The following NUMB variants were observed in gnomAD, a reference collection of about 807,000 sequenced individuals.
NUMB encodes protein numb homolog.
A neutral mutation model predicts 59.7 loss-of-function variants in NUMB; 29 were observed. That is an observed-to-expected ratio of 0.49 (90% CI 0.36 to 0.66). The LOEUF is 0.66. Ranked by LOEUF, NUMB falls within the 30% of genes least tolerant of loss-of-function variation. The pLI, the probability that NUMB is intolerant of heterozygous loss-of-function variation, is 0.00. For synonymous variants in NUMB, 288 were observed against 288.2 expected (o/e 1.00, Z 0.01); for missense variants, 723 against 822.0 (o/e 0.88, Z 1.47).
At chr14:73,338,925 G>A (rs1194725989) in intron 4 of NUMB, among the ~76,000 whole-genome samples, 4 of 152,280 alleles carry the variant, frequency 2.6e-5, no homozygotes, top group Non-Finnish European at 5.9e-5. Flanking sequence ...TCAATCAAAG[G>A]AAGGTTGTAC....
In NUMB at chr14:73,276,615, G is replaced by C. The variant is rs1888170462; in HGVS notation, c.1919C>G (p.Ser640Cys). ...TTCAAACGTCTTCTGTAAGTCACTG[G>C]AGAAAGGGTTGGTAGGGGAGGGATT... ...RTNPSPTNPF[S>C]SDLQKTFEIE... is the part of the protein sequence containing the mutation. Residue 640 changes from serine (S) to cysteine (C), a missense_variant, in exon 13 of 13, where the codon TCC becomes TGC. By Grantham distance (112) the Ser-to-Cys change is moderately radical. Around this residue, in one of 2 missense-constraint regions of NUMB, gnomAD observed 406 missense variants for 385.4 expected, o/e 1.05. Transcript: ENST00000555238. The C allele has an allele frequency of 6.2e-7, 1 of 1,613,830 alleles. No homozygotes were observed. The highest frequency in any genetic ancestry group is 1.1e-5 in the South Asian group (1 of 91,074).
At chr14:73,430,322 A>AT (rs1200035959) in intron 1 of NUMB, among the ~76,000 whole-genome samples, 1 of 152,048 alleles carries the variant, frequency 6.6e-6, no homozygotes, top group Non-Finnish European at 1.5e-5. Flanking sequence ...CAAAGAGGCT[A>AT]TACCAACAAT....
chr14:73,438,081 C>G (rs1002688733), intron 1 of NUMB, among the ~76,000 whole-genome samples: 1 of 152,138 alleles, frequency 6.6e-6, no homozygotes, highest in Non-Finnish European at 1.5e-5. Context: ...GAAATGTAAA[C>G]TTGTACAGCC....
chr14:73,313,481 A>C (rs1890891512), intron 6 of NUMB, among the ~76,000 whole-genome samples: 1 of 150,826 alleles, frequency 6.6e-6, no homozygotes, highest in South Asian at 2.1e-4. Context: ...TCATGCACAA[A>C]ATTATTTAAT....
chr14:73,431,625 T>C (rs941923879), intron 1 of NUMB, among the ~76,000 whole-genome samples: 4 of 151,726 alleles, frequency 2.6e-5, no homozygotes. Context: ...GGCATGTGCA[T>C]GTAATCCCAG....
chr14:73,432,530 TC>T (rs1283872216), intron 1 of NUMB, among the ~76,000 whole-genome samples: 1 of 151,992 alleles, frequency 6.6e-6, no homozygotes, highest in African/African-American at 2.4e-5. Flanking sequence ...TTAAAGATCA[TC>T]CAGTCAAACA....
chr14:73,438,566 G>A (rs1462318378), intron 1 of NUMB, among the ~76,000 whole-genome samples: 1 of 141,338 alleles, frequency 7.1e-6, no homozygotes, highest in African/African-American at 2.6e-5. Context: ...GGGAGGCAGA[G>A]ATTACAGTGA....
At chr14:73,405,785 T>TG (rs1237455216) in intron 2 of NUMB, among the ~76,000 whole-genome samples, 1 of 140,542 alleles carries the variant, frequency 7.1e-6, no homozygotes, top group Non-Finnish European at 1.5e-5. Flanking sequence ...TCTGTTGTTT[T>TG]GGGTTTTTTT....
At chr14:73,310,945 G>T (rs1890747627) in intron 6 of NUMB, among the ~76,000 whole-genome samples, 1 of 152,134 alleles carries the variant, frequency 6.6e-6, no homozygotes, top group Non-Finnish European at 1.5e-5. Flanking sequence ...TAATTATTTG[G>T]TAATAAAGTA....
At chr14:73,307,873 T>C (rs12885404) in intron 6 of NUMB, among the ~76,000 whole-genome samples, 121,177 of 151,510 alleles carry the variant, frequency 0.8, 49,009 homozygotes, top group African/African-American at 0.92. Context: ...GCTGGGACTA[T>C]AGGCGCCCGC....
chr14:73,377,794 C>T (rs1445905246), intron 2 of NUMB, among the ~76,000 whole-genome samples: 1 of 152,208 alleles, frequency 6.6e-6, no homozygotes, highest in Non-Finnish European at 1.5e-5. Context: ...TGGCGAAACC[C>T]TGTCTCTACC....
chr14:73,374,401 C>A (rs940381045), intron 2 of NUMB, among the ~76,000 whole-genome samples: 4 of 152,090 alleles, frequency 2.6e-5, no homozygotes, highest in African/African-American at 9.7e-5. Context: ...CCAGCTGGTG[C>A]CAACCCTGTG....
chr14:73,335,484 C>G (rs537172491), intron 4 of NUMB, among the ~76,000 whole-genome samples: 1 of 152,078 alleles, frequency 6.6e-6, no homozygotes. Flanking sequence ...GACACTATCT[C>G]GCTGAAGAAT....
chr14:73,359,914 T>A (rs1376309795), intron 3 of NUMB, among the ~76,000 whole-genome samples: 1 of 152,080 alleles, frequency 6.6e-6, no homozygotes, highest in Non-Finnish European at 1.5e-5. Flanking sequence ...ACAAAAGACT[T>A]CTAAAATATA....
At chr14:73,396,705 A>G (rs1431206134) in intron 2 of NUMB, among the ~76,000 whole-genome samples, 1 of 152,174 alleles carries the variant, frequency 6.6e-6, no homozygotes, top group Non-Finnish European at 1.5e-5. Context: ...AAAGACCTTA[A>G]AATGAACATA....
chr14:73,304,804 T>A (rs956469345), intron 6 of NUMB, among the ~76,000 whole-genome samples: 1 of 152,108 alleles, frequency 6.6e-6, no homozygotes, highest in Non-Finnish European at 1.5e-5. Context: ...CTGTCGCCCA[T>A]GCTTGGAGTG....
intron 1 of NUMB, among the ~76,000 whole-genome samples, chr14:73,456,362 G>A (rs1205196166): frequency 2.0e-5 from 3 of 151,992 alleles, no homozygotes; most frequent in Non-Finnish European, 4.4e-5. Flanking sequence ...CGCCCGCCTT[G>A]GCCTCCCAAA....
intron 2 of NUMB, among the ~76,000 whole-genome samples, chr14:73,390,638 C>CTTTTTTTT (rs55831976): frequency 0.032 from 1,251 of 39,406 alleles, 285 homozygotes; most frequent in Non-Finnish European, 0.049. Context: ...AAAACAAAGT[C>CTTTTTTTT]TTTTTTTTTT....
At chr14:73,301,809 G>A (rs914372034) in intron 6 of NUMB, among the ~76,000 whole-genome samples, 2 of 152,112 alleles carry the variant, frequency 1.3e-5, no homozygotes, top group African/African-American at 4.8e-5. Flanking sequence ...GGCCGGGTGT[G>A]GTGGCTCATG....
Sources: allele counts gnomAD v4.1 joint callset (sites outside exome capture counted in the v4.1 genomes callset), GRCh38; gene constraint gnomAD v4.1.1; regional missense constraint gnomAD v4.1.1; transcripts MANE v1.5; gene names NCBI Gene and HGNC (gene_info 2026-07-23, HGNC 2026-07-21).